The following EML1 variants were observed in gnomAD, a reference collection of about 807,000 sequenced individuals.
EML1 encodes EMAP like 1, also known as echinoderm microtubule-associated protein-like 1.
In EML1, 27 loss-of-function variants were observed where a neutral mutation model predicts 110.4. That is an observed-to-expected ratio of 0.24 (90% CI 0.18 to 0.34). The LOEUF is 0.34. EML1 is among the 10% of genes least tolerant of loss of function. The pLI is 1.00. For missense variants in EML1, 741 were observed against 1,030.9 expected (o/e 0.72, Z 3.85); for synonymous variants, 344 against 385.8 (o/e 0.89, Z 1.27).
At chr14:99,787,554 C>T (rs570032752) in intron 1 of EML1, among the ~76,000 whole-genome samples, 1 of 152,284 alleles carries the variant, frequency 6.6e-6, no homozygotes, top group South Asian at 2.1e-4. Context: ...GCTGGTATTC[C>T]AGGCGTGAGC....
At chr14:99,759,611 C>T (rs1398207634) in intron 1 of EML1, among the ~76,000 whole-genome samples, 1 of 152,222 alleles carries the variant, frequency 6.6e-6, no homozygotes, top group African/African-American at 2.4e-5. Context: ...ATCGGGTGCA[C>T]CGTCCTACAG....
intron 1 of EML1, among the ~76,000 whole-genome samples, chr14:99,847,892 T>C (rs547171481): frequency 6.6e-6 from 1 of 152,298 alleles, no homozygotes; most frequent in Non-Finnish European, 1.5e-5. Flanking sequence ...TGTGTCTTTG[T>C]ATTTAAAGTG....
chr14:99,863,670 T>C (rs2059041825), intron 2 of EML1, among the ~76,000 whole-genome samples: 1 of 152,242 alleles, frequency 6.6e-6, no homozygotes, highest in Non-Finnish European at 1.5e-5. Flanking sequence ...TTTGCTTCAT[T>C]CCTTTTATCA....
upstream of EML1, among the ~76,000 whole-genome samples, chr14:99,791,396 C>T (rs2057669469): frequency 6.6e-6 from 1 of 152,224 alleles, no homozygotes; most frequent in Admixed American, 6.5e-5. Context: ...ATTCTCCTGC[C>T]TCTCTGACCA....
chr14:99,764,999 A>G (rs1055235562), intron 1 of EML1, among the ~76,000 whole-genome samples: 5 of 152,130 alleles, frequency 3.3e-5, no homozygotes, highest in Non-Finnish European at 7.4e-5. Context: ...GCGCAGTGGA[A>G]CAATCATGGC....
intron 6 of EML1, among the ~76,000 whole-genome samples, 164 bp from the exon 7 acceptor site, chr14:99,896,981 G>T (rs1293363458): frequency 1.3e-5 from 2 of 151,868 alleles, no homozygotes; most frequent in Non-Finnish European, 2.9e-5. Context: ...GCCTTTTGGG[G>T]GTCACATGTA....
intron 9 of EML1, among the ~76,000 whole-genome samples, chr14:99,904,457 AAC>A (rs1163169331): frequency 2.0e-5 from 3 of 152,238 alleles, no homozygotes; most frequent in African/African-American, 7.2e-5. Flanking sequence ...TTACATATAA[AAC>A]AGTTTTTATT....
chr14:99,852,931 G>T (rs567039637), intron 2 of EML1, among the ~76,000 whole-genome samples: 6 of 152,084 alleles, frequency 3.9e-5, no homozygotes, highest in Non-Finnish European at 7.4e-5. Context: ...AATAGAAACC[G>T]CATTATTTTA....
upstream of EML1, among the ~76,000 whole-genome samples, chr14:99,792,192 G>T (rs2057682934): frequency 6.6e-6 from 1 of 152,272 alleles, no homozygotes; most frequent in East Asian, 1.9e-4. Context: ...GGAAGGACAG[G>T]CCTCTGAGCC....
chr14:99,793,721 C>G (rs1457178394), intron 1 of EML1, among the ~76,000 whole-genome samples, 178 bp downstream of exon 1: 1 of 146,452 alleles, frequency 6.8e-6, no homozygotes, highest in Non-Finnish European at 1.5e-5. Flanking sequence ...GTGTTGGAGC[C>G]GCGGGGCCGC....
At chr14:99,825,521 C>G (rs574175283) in intron 1 of EML1, among the ~76,000 whole-genome samples, 7 of 152,162 alleles carry the variant, frequency 4.6e-5, no homozygotes, top group African/African-American at 1.7e-4. Flanking sequence ...TGTCCTAACT[C>G]GAGACTCAGC....
At chr14:99,782,169 A>C (rs2057547177) in intron 1 of EML1, among the ~76,000 whole-genome samples, 1 of 147,240 alleles carries the variant, frequency 6.8e-6, no homozygotes, top group African/African-American at 2.5e-5. Context: ...CACCCCCACC[A>C]CCTCTCTCTT....
rs115358845 is a variant in EML1 at position 99,851,265 on chromosome 14, G to T, written c.250+230G>T. Among the ~76,000 whole-genome samples, 1,215 of 152,284 alleles carry T rather than the reference G, an allele frequency of 8.0e-3. 10 individuals are homozygous for T. Among genetic ancestry groups the T allele is most frequent in the African/African-American group, 0.027 (1,126 of 41,564 alleles). On this transcript the variant is annotated intron_variant, in intron 2 of 21. Coordinates refer to ENST00000262233, the MANE Select transcript of EML1 (RefSeq NM_004434.3). ...GTACATTTGTAGGTGATCATTAAAT[G>T]CTTGTTGAGTCAAGGAAGGAACAAT...
intron 2 of EML1, among the ~76,000 whole-genome samples, chr14:99,858,248 G>T (rs1015725113): frequency 3.3e-5 from 5 of 150,088 alleles, no homozygotes; most frequent in African/African-American, 1.2e-4. Context: ...ACAATGGTGC[G>T]ATCTCAGCTC....
At chr14:99,921,458 A>ACATGCACAT (rs1204506690) in intron 17 of EML1, among the ~76,000 whole-genome samples, 2 of 152,198 alleles carry the variant, frequency 1.3e-5, no homozygotes, top group African/African-American at 4.8e-5. Context: ...TTTAAATTAG[A>ACATGCACAT]CATGCACATA....
Position 99,936,113 on chromosome 14 carries a change from T to G in EML1, c.1994T>G (p.Val665Gly). The G allele has an allele frequency of 6.2e-7, 1 of 1,614,096 alleles. No individual in the cohort carries two copies. The change falls in exon 18 of 22, where the codon GTG (valine) becomes GGG (glycine). Residue 665 changes from valine to glycine, a missense_variant. Val to Gly is a moderately radical substitution (Grantham distance 109). Transcript: ENST00000262233. This position sits in a 1 kb window ranked among gnomAD's most constrained non-coding sequence, Gnocchi z 5.5. ...VSDNGRKYTRVGKCSGHSSFI... is the reference protein window; with the variant it reads ...VSDNGRKYTRGGKCSGHSSFI... ...GACAACGGGAGGAAGTACACGCGAG[T>G]GGGCAAGTGCTCGGTAAGCGCTGAC...
chr14:99,846,232 T>A (rs2058705447), intron 1 of EML1, among the ~76,000 whole-genome samples: 1 of 151,816 alleles, frequency 6.6e-6, no homozygotes, highest in Admixed American at 6.6e-5. Context: ...TTTGTTTAAA[T>A]TGCTTGTTTC....
chr14:99,800,223 T>C (rs1327641036), intron 1 of EML1, among the ~76,000 whole-genome samples: 1 of 152,232 alleles, frequency 6.6e-6, no homozygotes, highest in Non-Finnish European at 1.5e-5. Context: ...ACATTCATTT[T>C]AATCTGGCCC....
intron 1 of EML1, among the ~76,000 whole-genome samples, chr14:99,763,655 G>A (rs1234548409): frequency 6.6e-6 from 1 of 152,150 alleles, no homozygotes; most frequent in African/African-American, 2.4e-5. Flanking sequence ...TGGTCTTCGT[G>A]TTATTGTCCT....
Sources: gnomAD v4.1 joint callset for allele counts (sites outside exome capture counted in the v4.1 genomes callset) on GRCh38, gnomAD v4.1.1 for gene constraint, Gnocchi (gnomAD v3.1) non-coding constraint, MANE v1.5 for transcripts, NCBI Gene and HGNC (gene_info 2026-07-23, HGNC 2026-07-21) for gene names.